Variants in CFAP410 observed in about 807,000 individuals in gnomAD.
CFAP410 encodes the protein cilia and flagella associated protein 410.
A neutral mutation model predicts 25.7 loss-of-function variants in CFAP410; 27 were observed. That is an observed-to-expected ratio of 1.05 (90% CI 0.77 to 1.45). The LOEUF (loss-of-function observed/expected upper bound fraction) is 1.45, where lower values mean the gene tolerates loss of function less well. CFAP410 is among the 40% of genes most tolerant of loss of function. CFAP410 has a pLI of 0.00. For missense variants in CFAP410, 428 were observed against 354.1 expected, an observed-to-expected ratio of 1.21 and a Z score of -1.67; for synonymous variants, 178 against 158.4, an observed-to-expected ratio of 1.12 and a Z score of -0.93.
At chr21:44,332,437 C>T (rs1452307839) in intron 4 of CFAP410, 1 of 170,232 alleles carries the variant, frequency 5.9e-6, no homozygotes, top group Admixed American at 6.3e-5. Context: ...GGATGAGACA[C>T]TAGTGTGCTG....
At chr21:44,334,104 C>G in intron 3 of CFAP410, 1 of 456,234 alleles carries the variant, frequency 2.2e-6, no homozygotes, top group South Asian at 1.5e-5. Flanking sequence ...AGGATGGGGT[C>G]TGCCTCAGGC....
Position 44,330,102 on chromosome 21 carries a change from C to G in CFAP410, c.*96G>C, listed in dbSNP as rs896006307. On this transcript the variant is annotated 3_prime_UTR_variant, in exon 7 of 7. Transcript: ENST00000339818. Reference sequence around the variant, plus strand: ...AACCGGGGAGGCTTTTGTGTGGGGCCGGGGCTGCGGCCATGGCAGCCACCC... The same window carrying G: ...AACCGGGGAGGCTTTTGTGTGGGGCGGGGGCTGCGGCCATGGCAGCCACCC... 1.1e-5 allele frequency: 15 copies of G among 1,381,590 alleles called. No individual in the cohort carries two copies. The highest frequency in any genetic ancestry group is 1.4e-5 in the African/African-American group (1 of 70,386). 85.6% of individuals were successfully genotyped at this position (1,381,590 alleles called of 1,614,324 possible).
chr21:44,331,814 G>A, intron 5 of CFAP410, 29 bp downstream of exon 5: 1 of 1,601,710 alleles, frequency 6.2e-7, no homozygotes, highest in Non-Finnish European at 8.5e-7. Flanking sequence ...GGGATGGGCT[G>A]CGGAGTCCCC....
At chr21:44,331,792 C>G in intron 5 of CFAP410, 51 bp downstream of exon 5, 1 of 1,574,864 alleles carries the variant, frequency 6.3e-7, no homozygotes, top group Admixed American at 1.8e-5. Flanking sequence ...CGTGGGAGGA[C>G]CCTGGGGGAC....
chr21:44,333,745 A>G (rs2047696252), intron 3 of CFAP410: 4 of 297,710 alleles, frequency 1.3e-5, no homozygotes, highest in Admixed American at 4.8e-5. Context: ...CCTCATTTCC[A>G]TTCTACAGAA....
rs1740570197 is a variant in CFAP410 at position 44,332,034 on chromosome 21, A to T, written c.374-20T>A. 6.3e-7 allele frequency: 1 copy of T among 1,580,930 alleles called. No homozygotes were observed. On this transcript the variant is annotated intron_variant, in intron 4 of 6. Coordinates refer to ENST00000339818, the MANE Select transcript of CFAP410 (RefSeq NM_004928.3). ...TCACAGCTTTGGGATGAAAGACAGA[A>T]GACAGCATGAGTGGCCTCACCCACG...
intron 6 of CFAP410, 94 bp from the exon 7 acceptor site, chr21:44,330,420 G>A (rs544679642): frequency 3.6e-5 from 56 of 1,557,390 alleles, no homozygotes; most frequent in Admixed American, 5.4e-5. Context: ...GCCCCACCAC[G>A]GAGCGACTGG....
At chr21:44,331,557 C>G (rs1276607870) in intron 5 of CFAP410, 1 of 446,552 alleles carries the variant, frequency 2.2e-6, no homozygotes, top group African/African-American at 2.1e-5. Flanking sequence ...CTCACGAGCT[C>G]TGGTGCTGTG....
chr21:44,332,130 C>G, intron 4 of CFAP410, 116 bp from the exon 5 acceptor site: 1 of 782,424 alleles, frequency 1.3e-6, no homozygotes, highest in Non-Finnish European at 2.0e-6. Flanking sequence ...GAAATGCATG[C>G]ACGTGTATCC....
Position 44,335,894 on chromosome 21 carries a change from G to A in CFAP410, c.97-90C>T, listed in dbSNP as rs1047062653. 1.4e-5 allele frequency: 14 copies of A among 1,009,904 alleles called. No individual in the cohort carries two copies. In the African/African-American group the frequency reaches 1.6e-4, roughly 12 times the overall value. 62.6% of individuals were successfully genotyped at this position (1,009,904 alleles called of 1,614,324 possible). ...AGCCACAGAGAACTGTCGAAGCCAC[G>A]GCCAACCCACTTCCGGGGCCTGAGG... On this transcript the variant is annotated intron_variant, in intron 2 of 6. Transcript: ENST00000339818.
In CFAP410 at chr21:44,329,695, C is replaced by G. The variant is rs1176558222; in HGVS notation, c.*503G>C. On this transcript the variant is annotated 3_prime_UTR_variant, in exon 7 of 7. Transcript: ENST00000339818. ...GGTGCGGGAGGCTGCTGCCTGCCTG[C>G]TGAGCAGCTCAGGGCAGATGTCGCT... The G allele has an allele frequency of 1.3e-5, 2 of 153,678 alleles. No homozygotes were observed. The highest frequency in any genetic ancestry group is 1.9e-4 in the East Asian group (1 of 5,210). 9.5% of individuals were successfully genotyped at this position (153,678 alleles called of 1,614,324 possible).
intron 4 of CFAP410, 24 bp from the exon 5 acceptor site, chr21:44,332,038 A>G (rs985165574): frequency 6.3e-7 from 1 of 1,579,508 alleles, no homozygotes; most frequent in Middle Eastern, 1.7e-4. Context: ...GACAGAAGAC[A>G]GCATGAGTGG....
At chr21:44,332,814 T>C (rs781335267) in intron 4 of CFAP410, 242 of 577,472 alleles carry the variant, frequency 4.2e-4, no homozygotes, top group Non-Finnish European at 3.8e-4. Flanking sequence ...AAACTGTCAG[T>C]CCCAGGAGGG....
Position 44,330,845 on chromosome 21 carries a change from G to C in CFAP410, c.620C>G (p.Ala207Gly), listed in dbSNP as rs781366937. ...CACCCTGCCCCTGTGGCTGCTCGAG[G>C]CATCCCTGGCTGAGAGGGAAGGAAA... is the stretch of plus-strand genomic sequence containing the variant. Reference protein sequence around the residue: ...GQFPSLSARDASSSHRGRNVL... With the variant: ...GQFPSLSARDGSSSHRGRNVL... Residue 207 changes from alanine (A) to glycine (G), a missense_variant, in exon 6 of 7, where the codon GCC (alanine) becomes GGC (glycine). Transcript: ENST00000339818. The C allele has an allele frequency of 3.2e-5, 51 of 1,605,106 alleles. No individual in the cohort carries two copies. Among genetic ancestry groups the C allele is most frequent in the Non-Finnish European group, 4.3e-5 (51 of 1,176,360 alleles).
intron 2 of CFAP410, among the ~76,000 whole-genome samples, chr21:44,337,383 C>G (rs1181589337): frequency 6.6e-6 from 1 of 152,196 alleles, no homozygotes; most frequent in Admixed American, 6.5e-5. Context: ...TGCTCCCCTC[C>G]TCTGCGACCA....
chr21:44,332,980 C>T (rs975687717), intron 4 of CFAP410, 53 bp downstream of exon 4: 4 of 1,219,360 alleles, frequency 3.3e-6, no homozygotes, highest in African/African-American at 3.0e-5. Flanking sequence ...CTGGGGACAT[C>T]CCCTTCCAGG....
At position 44,330,119 on chromosome 21, in the gene CFAP410, C is replaced by T; in HGVS notation, c.*79G>A. On this transcript the variant is annotated 3_prime_UTR_variant, in exon 7 of 7. Coordinates refer to ENST00000339818, the MANE Select transcript of CFAP410 (RefSeq NM_004928.3). ...TGTGGGGCCGGGGCTGCGGCCATGG[C>T]AGCCACCCTCCAGCTCCCGGGGGCT... The T allele has an allele frequency of 2.7e-6, 4 of 1,467,962 alleles. No individual in the cohort carries two copies. The highest frequency in any genetic ancestry group is 3.7e-6 in the Non-Finnish European group (4 of 1,095,518). The allele number at this position is 1,467,962 out of a possible 1,614,324, so 90.9% of individuals were successfully genotyped here.
intron 2 of CFAP410, among the ~76,000 whole-genome samples, chr21:44,336,132 C>T (rs14313): frequency 0.19 from 27,987 of 146,536 alleles, 2,623 homozygotes; most frequent in East Asian, 0.32. Flanking sequence ...CTGAGGGGAG[C>T]GGCCCTGCTC....
chr21:44,333,405 A>AACCC, intron 3 of CFAP410, 143 bp from the exon 4 acceptor site: 1 of 669,926 alleles, frequency 1.5e-6, no homozygotes, highest in Non-Finnish European at 2.6e-6. Context: ...GTCACAAGTC[A>AACCC]CGTGCAGCAG....
Sources: gnomAD v4.1 joint callset for allele counts (sites outside exome capture counted in the v4.1 genomes callset) on GRCh38, gnomAD v4.1.1 for gene constraint, MANE v1.5 for transcripts, NCBI Gene and HGNC (gene_info 2026-07-23, HGNC 2026-07-21) for gene names.